Variants in PTER observed in about 807,000 individuals in gnomAD.
The protein encoded by PTER is N-acetyltaurine hydrolase.
Under a neutral mutation model 29.6 loss-of-function variants are expected in PTER, and 38 were observed. The ratio of observed to expected loss-of-function variants is 1.28; its 90% CI spans 0.99 to 1.68. The LOEUF (loss-of-function observed/expected upper bound fraction) is 1.68, where lower values mean the gene tolerates loss of function less well. Among genes scored for constraint, PTER ranks in the 40% most tolerant of loss-of-function variants. PTER has a pLI of 0.00. For synonymous variants in PTER, 172 were observed against 154.5 expected (o/e 1.11, Z -0.84); for missense variants, 482 against 427.8 (o/e 1.13, Z -1.12).
intron 1 of PTER, among the ~76,000 whole-genome samples, chr10:16,483,521 A>G (rs1275149039): frequency 6.6e-6 from 1 of 152,114 alleles, no homozygotes; most frequent in Non-Finnish European, 1.5e-5. Context: ...TTCAACAGAA[A>G]TTTGTTTGCT....
intron 1 of PTER, among the ~76,000 whole-genome samples, chr10:16,475,229 C>T (rs1331089679): frequency 3.9e-5 from 6 of 152,150 alleles, no homozygotes. Context: ...AAACAACCAC[C>T]ATTTTATTGT....
At chr10:16,469,433 T>G (rs1234209771) in intron 1 of PTER, among the ~76,000 whole-genome samples, 1 of 152,146 alleles carries the variant, frequency 6.6e-6, no homozygotes, top group Admixed American at 6.5e-5. Context: ...CCAGAGAGAC[T>G]TCTGAGAAGC....
chr10:16,486,578 G>A lies in PTER; in HGVS notation c.659G>A (p.Gly220Asp), dbSNP rs775944332. The change falls in exon 3 of 5, where the codon GGC (glycine) becomes GAC (aspartate). Residue 220 changes from glycine to aspartate, a missense_variant. Physicochemically the swap from Gly to Asp is moderately conservative, Grantham distance 94. Transcript: ENST00000535784. ...ATTATCCGAATATTGCAAGAAGCAG[G>A]CGCAGACATCTCCAAAACAGTCATG... ...FQIIRILQEA[G>D]ADISKTVMSH... 6 of 1,613,898 alleles carry A rather than the reference G, an allele frequency of 3.7e-6. No homozygotes were observed. The highest frequency in any genetic ancestry group is 5.1e-6 in the Non-Finnish European group (6 of 1,179,898).
Position 16,511,177 on chromosome 10 carries a change from T to C in PTER, c.971T>C (p.Met324Thr), listed in dbSNP as rs1836796551. 1.2e-6 allele frequency: 2 copies of C among 1,614,024 alleles called. No homozygotes were observed. The highest frequency in any genetic ancestry group is 1.7e-6 in the Non-Finnish European group (2 of 1,180,000). ...SHILTNVVPKMLLRGITENVL... is the reference protein window; with the variant it reads ...SHILTNVVPKTLLRGITENVL... ...ATACTCACCAATGTTGTTCCTAAAA[T>C]GTTGCTGAGAGGCATAACTGAGAAT... Residue 324 changes from methionine (M) to threonine (T), a missense_variant, in exon 5 of 5, where the codon ATG becomes ACG. Physicochemically the swap from Met to Thr is moderately conservative, Grantham distance 81. Coordinates refer to ENST00000535784, the MANE Select transcript of PTER (RefSeq NM_001261836.2).
At position 16,512,088 on chromosome 10, in the gene PTER, A is replaced by G. The variant is rs1836833060; in HGVS notation, c.*832A>G. ...AAAAAAAAAGAGAAATGTTTGCCTTATGTATATTCCCTTTATTTCCTTTAC... is the reference window on the plus strand; with the variant it reads ...AAAAAAAAAGAGAAATGTTTGCCTTGTGTATATTCCCTTTATTTCCTTTAC... On this transcript the variant is annotated 3_prime_UTR_variant, in exon 5 of 5. Transcript: ENST00000535784. 6.6e-6 allele frequency: 1 copy of G among 152,316 alleles called. No individual in the cohort carries two copies. Among genetic ancestry groups the G allele is most frequent in the Non-Finnish European group, 1.5e-5 (1 of 67,958 alleles). The allele number at this position is 152,316 out of a possible 1,614,324, so 9.4% of individuals were successfully genotyped here. A position where few individuals can be genotyped will look rare whatever the true frequency, so the allele number is the denominator to read the frequency against.
At chr10:16,503,399 G>A (rs1255153925) in intron 3 of PTER, among the ~76,000 whole-genome samples, 1 of 149,716 alleles carries the variant, frequency 6.7e-6, no homozygotes, top group Middle Eastern at 3.2e-3. Context: ...GCTAATTTTT[G>A]TTTTGTTTTT....
intron 3 of PTER, among the ~76,000 whole-genome samples, chr10:16,498,550 T>C (rs1231355270): frequency 6.6e-6 from 1 of 152,170 alleles, no homozygotes; most frequent in Non-Finnish European, 1.5e-5. Flanking sequence ...GCCACTGCAC[T>C]CCAGCCTGTG....
At chr10:16,456,866 G>C (rs1343301831) in intron 1 of PTER, among the ~76,000 whole-genome samples, 1 of 149,298 alleles carries the variant, frequency 6.7e-6, no homozygotes, top group Admixed American at 6.8e-5. Context: ...GGAAGGTGGG[G>C]GGGGGTTCCG....
At chr10:16,482,205 G>A (rs906283970) in intron 1 of PTER, among the ~76,000 whole-genome samples, 7 of 152,112 alleles carry the variant, frequency 4.6e-5, no homozygotes, top group African/African-American at 1.2e-4. Flanking sequence ...CCAATATATC[G>A]CAAACACCTG....
intron 1 of PTER, among the ~76,000 whole-genome samples, chr10:16,440,574 T>G (rs748979878): frequency 4.6e-5 from 7 of 152,324 alleles, no homozygotes; most frequent in Non-Finnish European, 8.8e-5. Flanking sequence ...CCTGTCTCCT[T>G]CCAGGCAGGT....
chr10:16,493,353 A>G (rs1400867166), intron 3 of PTER, among the ~76,000 whole-genome samples: 2 of 152,186 alleles, frequency 1.3e-5, no homozygotes, highest in Non-Finnish European at 1.5e-5. Context: ...TTGGAATGCT[A>G]TGTGCATGTA....
At chr10:16,460,167 C>T (rs375336966) in intron 1 of PTER, among the ~76,000 whole-genome samples, 3 of 152,184 alleles carry the variant, frequency 2.0e-5, no homozygotes, top group African/African-American at 4.8e-5. Flanking sequence ...GGGCTTGTTT[C>T]GTGTCATTCA....
At chr10:16,476,901 C>CTCTCTCTCTT (rs1214090481) in intron 1 of PTER, among the ~76,000 whole-genome samples, 31 of 100,374 alleles carry the variant, frequency 3.1e-4, no homozygotes, top group African/African-American at 1.3e-3. Flanking sequence ...TCCTAGAATT[C>CTCTCTCTCTT]TTTTTTTTTT....
At chr10:16,515,300 C>T (rs10159970), downstream of PTER, among the ~76,000 whole-genome samples, 3,105 of 151,522 alleles carry the variant, frequency 0.02, 106 homozygotes, top group African/African-American at 0.071. Flanking sequence ...CTTTACCAGG[C>T]TGCTTCAGAA....
rs1304529409 is a variant in PTER at position 16,512,315 on chromosome 10, T to C, written c.*1059T>C. 10 of 152,198 alleles carry C rather than the reference T, an allele frequency of 6.6e-5. No homozygotes were observed. The highest frequency in any genetic ancestry group is 2.4e-4 in the African/African-American group (10 of 41,450). The allele number at this position is 152,198 out of a possible 1,614,324, so 9.4% of individuals were successfully genotyped here. A position where few individuals can be genotyped will look rare whatever the true frequency, so the allele number is the denominator to read the frequency against. ...ATGGGCACTGCTGCTTATAAATTCA[T>C]CTTTTGGTTGAATCCTCACTATGCT... On this transcript the variant is annotated 3_prime_UTR_variant, in exon 5 of 5. Transcript: ENST00000535784.
chr10:16,492,986 CTTAA>C (rs1564404665), intron 3 of PTER, among the ~76,000 whole-genome samples: 1 of 152,148 alleles, frequency 6.6e-6, no homozygotes, highest in African/African-American at 2.4e-5. Flanking sequence ...TTTTCATGCT[CTTAA>C]TTAGATGAAA....
At chr10:16,451,203 T>A (rs1003968753) in intron 1 of PTER, among the ~76,000 whole-genome samples, 3 of 97,554 alleles carry the variant, frequency 3.1e-5, no homozygotes, top group Non-Finnish European at 5.7e-5. Flanking sequence ...GCCTGCTCTG[T>A]CATCTTCTCC....
intron 1 of PTER, among the ~76,000 whole-genome samples, chr10:16,438,229 C>T (rs541849245): frequency 1.9e-4 from 29 of 152,162 alleles, no homozygotes; most frequent in Non-Finnish European, 3.4e-4. Context: ...TGATCTCGAA[C>T]TCCTGACCTT....
intron 1 of PTER, among the ~76,000 whole-genome samples, chr10:16,475,227 A>G (rs909035258): frequency 7.2e-5 from 11 of 152,162 alleles, no homozygotes; most frequent in African/African-American, 2.4e-4. Flanking sequence ...ACAAACAACC[A>G]CCATTTTATT....
Sources: allele counts gnomAD v4.1 joint callset (sites outside exome capture counted in the v4.1 genomes callset), GRCh38; gene constraint gnomAD v4.1.1; transcripts MANE v1.5; gene names NCBI Gene and HGNC (gene_info 2026-07-23, HGNC 2026-07-21).